The following TCF7L2 variants were observed in gnomAD, a reference collection of about 807,000 sequenced individuals.
TCF7L2 encodes transcription factor 7-like 2.
A neutral mutation model predicts 77.9 loss-of-function variants in TCF7L2; 23 were observed. That is an observed-to-expected ratio of 0.30 (90% confidence interval 0.21 to 0.42). TCF7L2 has a LOEUF of 0.42. Among genes scored for constraint, TCF7L2 ranks in the 10% least tolerant of loss-of-function variants. The pLI, the probability that TCF7L2 is intolerant of heterozygous loss-of-function variation, is 1.00. For missense variants in TCF7L2, 654 were observed against 793.1 expected, an observed-to-expected ratio of 0.82 and a Z score of 2.11; for synonymous variants, 413 against 340.2, an observed-to-expected ratio of 1.21 and a Z score of -2.36.
chr10:113,069,197 A>G (rs1390892915), intron 5 of TCF7L2, among the ~76,000 whole-genome samples: 1 of 148,900 alleles, frequency 6.7e-6, no homozygotes, highest in East Asian at 2.0e-4. Flanking sequence ...TGTTGTGTCC[A>G]GCTCAGAGGG....
chr10:113,100,211 A>C (rs1352752872), intron 5 of TCF7L2, among the ~76,000 whole-genome samples: 2 of 152,242 alleles, frequency 1.3e-5, no homozygotes, highest in Non-Finnish European at 2.9e-5. Context: ...AAGCATCCCG[A>C]GAGCACGGGT....
At chr10:112,990,161 A>G (rs1378085056) in intron 4 of TCF7L2, among the ~76,000 whole-genome samples, 1 of 152,170 alleles carries the variant, frequency 6.6e-6, no homozygotes, top group African/African-American at 2.4e-5. Context: ...ATGGAATTAG[A>G]CACATAGCAG....
At chr10:113,114,499 A>G (rs2063497222) in intron 5 of TCF7L2, among the ~76,000 whole-genome samples, 1 of 152,176 alleles carries the variant, frequency 6.6e-6, no homozygotes, top group Non-Finnish European at 1.5e-5. Flanking sequence ...AAGTCAGGGC[A>G]TTAGCAGGTC....
chr10:113,129,937 G>T (rs2066296256), intron 5 of TCF7L2: 2 of 1,294,064 alleles, frequency 1.5e-6, no homozygotes, highest in East Asian at 5.4e-5. Flanking sequence ...GGCCTCCGGG[G>T]TCTCTCTGTT....
At chr10:112,969,472 C>A (rs753518614) in intron 4 of TCF7L2, among the ~76,000 whole-genome samples, 1 of 152,168 alleles carries the variant, frequency 6.6e-6, no homozygotes, top group Non-Finnish European at 1.5e-5. Flanking sequence ...TTTGGGGAAA[C>A]ATATATTTCC....
At chr10:113,047,377 G>C (rs1423283837) in intron 5 of TCF7L2, among the ~76,000 whole-genome samples, 2 of 152,152 alleles carry the variant, frequency 1.3e-5, no homozygotes, top group Admixed American at 1.3e-4. Flanking sequence ...TTTGGAGAGA[G>C]ACATGCCCTT....
At chr10:112,992,557 G>T (rs2042757047) in intron 4 of TCF7L2, among the ~76,000 whole-genome samples, 1 of 152,126 alleles carries the variant, frequency 6.6e-6, no homozygotes, top group East Asian at 1.9e-4. Context: ...AGGCTGCAGG[G>T]TGCTAAGATT....
At position 113,117,430 on chromosome 10, in the gene TCF7L2, TCTCC is replaced by T. The variant is rs1564916560; in HGVS notation, c.553-23750_553-23747del. Among the ~76,000 whole-genome samples the T allele has an allele frequency of 1.2e-3, 43 of 34,894 alleles. 6 individuals are homozygous for T. The highest frequency in any genetic ancestry group is 7.1e-3 in the East Asian group (11 of 1,554). 22.9% of individuals were successfully genotyped at this position (34,894 alleles called of 152,430 possible). ...CTCTCTCTCTCTCTCTCTCTCTCTC[TCTCC>T]CTCTCTCTCTCTCTCTCTCTCTCTT... On this transcript the variant is annotated intron_variant, in intron 5 of 13. Transcript: ENST00000627217.
intron 4 of TCF7L2, among the ~76,000 whole-genome samples, chr10:113,007,692 C>T (rs750835484): frequency 6.6e-6 from 1 of 152,218 alleles, no homozygotes; most frequent in Non-Finnish European, 1.5e-5. Context: ...GTAGTCAGAG[C>T]TGCTTTTCCC....
intron 4 of TCF7L2, among the ~76,000 whole-genome samples, chr10:112,997,946 A>T (rs113145143): frequency 2.5e-3 from 383 of 152,230 alleles, no homozygotes; most frequent in African/African-American, 8.7e-3. Context: ...GTGTATTACA[A>T]CCCCGTGTGC....
chr10:113,153,786 G>A (rs2071266791), intron 11 of TCF7L2, among the ~76,000 whole-genome samples: 2 of 152,244 alleles, frequency 1.3e-5, no homozygotes, highest in South Asian at 4.1e-4. Flanking sequence ...TCAGAACTTA[G>A]CATCCGCCAG....
intron 5 of TCF7L2, among the ~76,000 whole-genome samples, chr10:113,111,450 T>C (rs2063118274): frequency 6.6e-6 from 1 of 152,142 alleles, no homozygotes. Flanking sequence ...GTCTACTGTG[T>C]TTATGGAAAC....
intron 3 of TCF7L2, among the ~76,000 whole-genome samples, chr10:112,952,966 C>T (rs1350643167): frequency 6.6e-6 from 1 of 152,058 alleles, no homozygotes; most frequent in Non-Finnish European, 1.5e-5. Context: ...TTTACACCTT[C>T]TCCAGTTTGG....
At chr10:113,144,165 G>A (rs990839208) in intron 7 of TCF7L2, 140 bp downstream of exon 7, 34 of 806,270 alleles carry the variant, frequency 4.2e-5, no homozygotes, top group Middle Eastern at 3.2e-4. Flanking sequence ...GCCAGGGTTG[G>A]GGAGGGGGCT....
At chr10:112,977,331 T>C (rs2039608755) in intron 4 of TCF7L2, among the ~76,000 whole-genome samples, 1 of 152,190 alleles carries the variant, frequency 6.6e-6, no homozygotes, top group Non-Finnish European at 1.5e-5. Context: ...AGGGAAGAAG[T>C]CTTGTGTCAA....
At position 112,986,308 on chromosome 10, in the gene TCF7L2, G is replaced by T. The variant is rs535862428; in HGVS notation, c.450+21684G>T. On this transcript the variant is annotated intron_variant, in intron 4 of 13. Coordinates refer to ENST00000627217, the MANE Select transcript of TCF7L2 (RefSeq NM_001146274.2). ...TGCCTTTCCTCCTTTCTTTGAGCTT[G>T]TTTCGCTCTGAGAGTACAGGCTTGG... Among the ~76,000 whole-genome samples the T allele has an allele frequency of 1.7e-4, 26 of 152,176 alleles. No individual in the cohort carries two copies. The South Asian group carries it at 5.2e-3, about 30-fold the overall frequency.
Position 113,129,582 on chromosome 10 carries a change from G to T in TCF7L2, c.553-11602G>T, listed in dbSNP as rs967984330. On this transcript the variant is annotated intron_variant, in intron 5 of 13. Coordinates refer to ENST00000627217, the MANE Select transcript of TCF7L2 (RefSeq NM_001146274.2). The stretch of plus-strand genomic sequence containing the variant: ...TTTTTATTTTTAAGATTTTTTTAGG[G>T]ATGTGTGTACAGGGGGAAGGATTAA... 7 of 1,004,944 alleles carry T rather than the reference G, an allele frequency of 7.0e-6. No homozygotes were observed. In the African/African-American group the frequency reaches 1.0e-4, roughly 15 times the overall value. The allele number at this position is 1,004,944 out of a possible 1,614,324, so 62.3% of individuals were successfully genotyped here. A position where few individuals can be genotyped will look rare whatever the true frequency, so the allele number is the denominator to read the frequency against.
At chr10:113,018,455 T>TC (rs1233365684) in intron 4 of TCF7L2, among the ~76,000 whole-genome samples, 1 of 147,878 alleles carries the variant, frequency 6.8e-6, no homozygotes, top group East Asian at 2.0e-4. Context: ...TTTTTTTTTT[T>TC]TTTTTTTTTT....
rs897940275 is a variant in TCF7L2 at position 113,161,704 on chromosome 10, C to T, written c.1391+1013C>T. ...CTTTGCCATGTGCTCCGTGTTTAGA[C>T]GTTAGATCAGATGTGCATCCCATTA... On this transcript the variant is annotated intron_variant, in intron 13 of 13. Transcript: ENST00000627217. 13 of 1,315,802 alleles carry T rather than the reference C, an allele frequency of 9.9e-6. No individual in the cohort carries two copies. In the African/African-American group the frequency reaches 1.0e-4, roughly 10 times the overall value. 81.5% of individuals were successfully genotyped at this position (1,315,802 alleles called of 1,614,324 possible).
Sources: gnomAD v4.1 joint callset for allele counts (sites outside exome capture counted in the v4.1 genomes callset) on GRCh38, gnomAD v4.1.1 for gene constraint, MANE v1.5 for transcripts, NCBI Gene and HGNC (gene_info 2026-07-23, HGNC 2026-07-21) for gene names.